TSHZ2: variants seen among roughly 807,000 people sequenced by gnomAD.
TSHZ2 encodes the protein teashirt homolog 2.
In TSHZ2, 21 loss-of-function variants were observed where a neutral mutation model predicts 74.4. The ratio of observed to expected loss-of-function variants is 0.28; its 90% CI spans 0.20 to 0.41. The LOEUF is 0.41. Ranked by LOEUF, TSHZ2 falls within the 10% of genes least tolerant of loss-of-function variation. The pLI is 1.00. For missense variants in TSHZ2, 1,244 were observed against 1,293.5 expected, an observed-to-expected ratio of 0.96 and a Z score of 0.59; for synonymous variants, 540 against 515.3, an observed-to-expected ratio of 1.05 and a Z score of -0.65.
intron 1 of TSHZ2, among the ~76,000 whole-genome samples, chr20:53,038,470 G>T (rs1165722775): frequency 6.6e-6 from 1 of 152,120 alleles, no homozygotes; most frequent in Admixed American, 6.6e-5. Context: ...CTTTCCTGCT[G>T]AATCCTCTTC....
At chr20:53,078,503 C>T (rs928855032) in intron 1 of TSHZ2, among the ~76,000 whole-genome samples, 3 of 152,142 alleles carry the variant, frequency 2.0e-5, no homozygotes, top group Admixed American at 2.0e-4. Flanking sequence ...ATCATGTTAA[C>T]ACTTTTCGAT....
At chr20:53,124,629 G>A (rs1190834279) in intron 1 of TSHZ2, among the ~76,000 whole-genome samples, 1 of 152,200 alleles carries the variant, frequency 6.6e-6, no homozygotes, top group East Asian at 1.9e-4. Flanking sequence ...TATAACAATA[G>A]TCATCATATA....
chr20:53,486,978 C>T (rs1053096856), intron 2 of TSHZ2, among the ~76,000 whole-genome samples, 166 bp from the exon 3 acceptor site: 5 of 152,106 alleles, frequency 3.3e-5, no homozygotes, highest in African/African-American at 1.2e-4. Context: ...AAGTTGACTC[C>T]TCCTTTTCAT....
At chr20:53,209,449 G>T in intron 1 of TSHZ2, among the ~76,000 whole-genome samples, 1 of 152,176 alleles carries the variant, frequency 6.6e-6, no homozygotes. Context: ...AGTGCAGAGG[G>T]ACTCATGGGC....
intron 1 of TSHZ2, among the ~76,000 whole-genome samples, chr20:53,163,519 T>A (rs1444426546): frequency 6.6e-6 from 1 of 151,962 alleles, no homozygotes; most frequent in Non-Finnish European, 1.5e-5. Flanking sequence ...TAGTTACATA[T>A]GTATACATGT....
chr20:53,222,427 T>A (rs927582826), intron 1 of TSHZ2, among the ~76,000 whole-genome samples: 3 of 152,200 alleles, frequency 2.0e-5, no homozygotes, highest in African/African-American at 7.2e-5. Flanking sequence ...CAAAGATTTA[T>A]GAATGTCACC....
chr20:53,027,212 G>A (rs1983478037), intron 1 of TSHZ2, among the ~76,000 whole-genome samples: 1 of 151,984 alleles, frequency 6.6e-6, no homozygotes, highest in Non-Finnish European at 1.5e-5. Context: ...TGTGTTTATG[G>A]GTTAGGATGT....
intron 1 of TSHZ2, among the ~76,000 whole-genome samples, chr20:53,109,564 G>C (rs1986473006): frequency 6.6e-6 from 1 of 152,098 alleles, no homozygotes; most frequent in South Asian, 2.1e-4. Context: ...TTTCTCTTTT[G>C]AGCTCATCCC....
At chr20:53,223,689 C>T (rs1600751217) in intron 1 of TSHZ2, among the ~76,000 whole-genome samples, 2 of 152,116 alleles carry the variant, frequency 1.3e-5, no homozygotes, top group East Asian at 3.9e-4. Flanking sequence ...AGCCACTGCG[C>T]CCAGCCCCAC....
In TSHZ2 at chr20:53,256,325, T is replaced by C. The variant is rs1267936718; in HGVS notation, c.2867T>C (p.Met956Thr). The part of the protein sequence containing the change: ...ESHLGFQMKD[M>T]TRLSVDQQSK... ...CACCTGGGTTTCCAAATGAAGGACA[T>C]GACCCGCTTGTCAGTGGACCAGCAA... is the stretch of plus-strand genomic sequence containing the variant. Residue 956 changes from methionine to threonine, a missense_variant, in exon 2 of 3, where the codon ATG (methionine) becomes ACG (threonine). Met to Thr is a moderately conservative substitution (Grantham distance 81). Transcript: ENST00000371497. This position sits in a 1 kb window ranked among gnomAD's most constrained non-coding sequence, Gnocchi z 4.3. The C allele has an allele frequency of 2.5e-6, 4 of 1,613,884 alleles. No individual in the cohort carries two copies. Among genetic ancestry groups the C allele is most frequent in the Non-Finnish European group, 3.4e-6 (4 of 1,179,866 alleles).
intron 1 of TSHZ2, among the ~76,000 whole-genome samples, chr20:53,100,972 G>T (rs970869252): frequency 2.0e-5 from 3 of 152,144 alleles, no homozygotes; most frequent in African/African-American, 7.2e-5. Flanking sequence ...GGGGCAGGTG[G>T]GGGAGAGATG....
At chr20:53,428,320 T>C (rs889965949) in intron 2 of TSHZ2, among the ~76,000 whole-genome samples, 1 of 152,212 alleles carries the variant, frequency 6.6e-6, no homozygotes, top group Non-Finnish European at 1.5e-5. Flanking sequence ...ACTGTGTACT[T>C]TAAGTGCCAA....
intron 1 of TSHZ2, among the ~76,000 whole-genome samples, chr20:52,974,839 G>A (rs971551196): frequency 6.6e-6 from 1 of 152,160 alleles, no homozygotes; most frequent in Admixed American, 6.5e-5. Context: ...GGTTCAAGTG[G>A]CATGCAGAAA....
intron 1 of TSHZ2, among the ~76,000 whole-genome samples, chr20:53,133,420 G>T (rs923162852): frequency 2.6e-5 from 4 of 152,090 alleles, no homozygotes; most frequent in Non-Finnish European, 4.4e-5. Context: ...TCCATTCCTC[G>T]TGGTCTGCCA....
intron 1 of TSHZ2, among the ~76,000 whole-genome samples, chr20:53,222,013 T>G (rs755812342): frequency 3.3e-5 from 5 of 152,220 alleles, no homozygotes; most frequent in Non-Finnish European, 7.3e-5. Flanking sequence ...CATACTGGCA[T>G]TGTATTTTAA....
chr20:53,464,315 G>A (rs979849724), intron 2 of TSHZ2, among the ~76,000 whole-genome samples: 1 of 152,168 alleles, frequency 6.6e-6, no homozygotes, highest in Admixed American at 6.5e-5. Flanking sequence ...GACCTCATCT[G>A]GATCCCAGGA....
chr20:53,091,622 A>G (rs910459675), intron 1 of TSHZ2, among the ~76,000 whole-genome samples: 1 of 152,208 alleles, frequency 6.6e-6, no homozygotes, highest in Non-Finnish European at 1.5e-5. Flanking sequence ...TTGAAGATGC[A>G]AAAGTATCAC....
chr20:53,102,777 A>G (rs1159639559), intron 1 of TSHZ2, among the ~76,000 whole-genome samples: 4 of 152,232 alleles, frequency 2.6e-5, no homozygotes, highest in Non-Finnish European at 5.9e-5. Context: ...TGAGTTGAGC[A>G]GCTCATGTAG....
At chr20:53,240,796 T>G (rs190791585) in intron 1 of TSHZ2, among the ~76,000 whole-genome samples, 111 of 151,802 alleles carry the variant, frequency 7.3e-4, no homozygotes, top group Middle Eastern at 6.8e-3. Context: ...GGAGTTTGAC[T>G]TCTATAAGTG....
Sources: gnomAD v4.1 joint callset for allele counts (sites outside exome capture counted in the v4.1 genomes callset) on GRCh38, gnomAD v4.1.1 for gene constraint, Gnocchi (gnomAD v3.1) non-coding constraint, MANE v1.5 for transcripts, NCBI Gene and HGNC (gene_info 2026-07-23, HGNC 2026-07-21) for gene names.